SCCPDH: variants seen among roughly 807,000 people sequenced by gnomAD.
SCCPDH encodes the protein saccharopine dehydrogenase-like oxidoreductase.
SCCPDH carries 34 observed loss-of-function variants against 51.5 expected under a neutral mutation model. The ratio of observed to expected loss-of-function variants is 0.66; its 90% CI spans 0.50 to 0.88. The LOEUF (loss-of-function observed/expected upper bound fraction) is 0.88, where lower values mean the gene tolerates loss of function less well. SCCPDH is among the 40% of genes least tolerant of loss of function. The pLI, the probability that SCCPDH is intolerant of heterozygous loss-of-function variation, is 0.00. For synonymous variants in SCCPDH, 187 were observed against 191.3 expected (o/e 0.98, Z 0.19); for missense variants, 464 against 527.1 (o/e 0.88, Z 1.17).
chr1:246,759,679 T>C (rs554788756), intron 7 of SCCPDH, among the ~76,000 whole-genome samples: 3 of 152,352 alleles, frequency 2.0e-5, no homozygotes, highest in East Asian at 3.9e-4. Flanking sequence ...ATGTAGATTT[T>C]TGTGCCCAAG....
chr1:246,724,599 G>A lies in SCCPDH; in HGVS notation c.177G>A (p.Ala59=). The change falls in exon 1 of 12, where the codon GCG becomes GCA. Residue 59 remains alanine (A), a synonymous_variant. Coordinates refer to ENST00000366510, the MANE Select transcript of SCCPDH (RefSeq NM_016002.3). The stretch of plus-strand genomic sequence containing the variant: ...AGCTGCAGCGGGTGCTGGAGAAGGC[G>A]GCCCTGAAGCTGGGTACAGCGGCGG... ...REKLQRVLEK[A]ALKLGRPTLS... 1.3e-6 allele frequency: 2 copies of A among 1,502,726 alleles called. No individual in the cohort carries two copies. Among genetic ancestry groups the A allele is most frequent in the East Asian group, 5.7e-5 (2 of 34,884 alleles). The allele number at this position is 1,502,726 out of a possible 1,614,324, so 93.1% of individuals were successfully genotyped here.
chr1:246,754,107 G>A (rs529224498), intron 5 of SCCPDH, among the ~76,000 whole-genome samples: 2 of 152,006 alleles, frequency 1.3e-5, no homozygotes, highest in South Asian at 4.2e-4. Flanking sequence ...CCCACCTGCT[G>A]GAGGCTCCTC....
At chr1:246,738,334 A>G (rs548053632) in intron 3 of SCCPDH, among the ~76,000 whole-genome samples, 24 of 151,866 alleles carry the variant, frequency 1.6e-4, no homozygotes, top group African/African-American at 5.8e-4. Context: ...AACATGGTGA[A>G]ACCCCATCTC....
intron 5 of SCCPDH, among the ~76,000 whole-genome samples, chr1:246,752,446 C>T (rs1180907612): frequency 6.6e-6 from 1 of 152,082 alleles, no homozygotes; most frequent in African/African-American, 2.4e-5. Flanking sequence ...ACCAGTATGA[C>T]CCATCTGGCT....
chr1:246,748,261 C>T (rs1668792879), intron 5 of SCCPDH, among the ~76,000 whole-genome samples: 1 of 152,100 alleles, frequency 6.6e-6, no homozygotes, highest in Non-Finnish European at 1.5e-5. Flanking sequence ...GTTACAGCTG[C>T]AAGAGAAGTA....
Position 246,735,966 on chromosome 1 carries a change from T to C in SCCPDH, c.304-9T>C, listed in dbSNP as rs1240250705. ...AAGAATAACCTCTTTGTTCTTTTTG[T>C]TTCCCTAGTATCGGTTTTATGGAGA... On this transcript the variant is annotated splice_polypyrimidine_tract_variant and intron_variant, in intron 2 of 11. Coordinates refer to ENST00000366510, the MANE Select transcript of SCCPDH (RefSeq NM_016002.3). 6.3e-7 allele frequency: 1 copy of C among 1,585,814 alleles called. No homozygotes were observed. Among genetic ancestry groups the C allele is most frequent in the Admixed American group, 1.7e-5 (1 of 58,348 alleles).
chr1:246,765,410 C>T (rs1170978482), intron 10 of SCCPDH, among the ~76,000 whole-genome samples: 1 of 152,230 alleles, frequency 6.6e-6, no homozygotes, highest in Non-Finnish European at 1.5e-5. Flanking sequence ...TTAATCAAGC[C>T]AGATGATAGT....
At chr1:246,739,450 G>A (rs1296712133) in intron 3 of SCCPDH, among the ~76,000 whole-genome samples, 2 of 152,128 alleles carry the variant, frequency 1.3e-5, no homozygotes, top group Admixed American at 6.5e-5. Context: ...AGAAACCGTC[G>A]CAGCCAAAAG....
chr1:246,739,777 C>A (rs1001977487), intron 3 of SCCPDH, among the ~76,000 whole-genome samples: 3 of 152,124 alleles, frequency 2.0e-5, no homozygotes, highest in Non-Finnish European at 2.9e-5. Context: ...CCTCTGCCAC[C>A]ATCTACTTTC....
intron 5 of SCCPDH, among the ~76,000 whole-genome samples, chr1:246,753,677 C>T (rs1429386187): frequency 1.3e-5 from 2 of 151,904 alleles, no homozygotes; most frequent in Non-Finnish European, 1.5e-5. Context: ...GAAGGGTGTT[C>T]ACGTTCCAAG....
intron 2 of SCCPDH, among the ~76,000 whole-genome samples, chr1:246,734,355 A>T (rs77510894): frequency 0.02 from 3,078 of 152,336 alleles, 113 homozygotes; most frequent in African/African-American, 0.07. Flanking sequence ...AAATATGTTT[A>T]AAATGTGTGT....
intron 3 of SCCPDH, among the ~76,000 whole-genome samples, chr1:246,739,604 T>A (rs1418197121): frequency 6.6e-6 from 1 of 152,246 alleles, no homozygotes; most frequent in Non-Finnish European, 1.5e-5. Flanking sequence ...GTTCATTAAT[T>A]GTAACCACTG....
intron 3 of SCCPDH, among the ~76,000 whole-genome samples, chr1:246,736,264 C>T (rs1480606215): frequency 6.6e-6 from 1 of 152,190 alleles, no homozygotes; most frequent in African/African-American, 2.4e-5. Context: ...AATTTTTTCC[C>T]TCCCTACAAC....
chr1:246,751,511 C>A (rs61852487), intron 5 of SCCPDH, among the ~76,000 whole-genome samples: 8,756 of 152,216 alleles, frequency 0.058, 333 homozygotes, highest in African/African-American at 0.099. Context: ...AATCCTTTTA[C>A]CAAAAGTATA....
intron 5 of SCCPDH, among the ~76,000 whole-genome samples, chr1:246,753,637 T>G (rs886848366): frequency 6.6e-5 from 10 of 151,988 alleles, no homozygotes; most frequent in Non-Finnish European, 1.3e-4. Context: ...GGCGGGAAAT[T>G]TTTGATCCGC....
intron 5 of SCCPDH, among the ~76,000 whole-genome samples, chr1:246,749,889 A>C (rs12042435): frequency 0.26 from 39,443 of 152,122 alleles, 5,229 homozygotes; most frequent in South Asian, 0.3. Flanking sequence ...AGGGCATCAG[A>C]AGGCAAGCGT....
chr1:246,725,751 G>A (rs1668388393), intron 1 of SCCPDH, among the ~76,000 whole-genome samples: 1 of 151,900 alleles, frequency 6.6e-6, no homozygotes, highest in South Asian at 2.1e-4. Context: ...TCTTTTTTCG[G>A]CTCAGCAAGA....
chr1:246,760,684 G>C (rs1668999562), intron 9 of SCCPDH, among the ~76,000 whole-genome samples: 1 of 152,046 alleles, frequency 6.6e-6, no homozygotes, highest in Non-Finnish European at 1.5e-5. Context: ...CCAACAATAG[G>C]ACTGCCTCAT....
At chr1:246,760,787 C>T (rs893774768) in intron 9 of SCCPDH, among the ~76,000 whole-genome samples, 4 of 152,166 alleles carry the variant, frequency 2.6e-5, no homozygotes, top group African/African-American at 9.7e-5. Flanking sequence ...TGGGGGAAAT[C>T]CCACTGCTGA....
Sources: allele counts gnomAD v4.1 joint callset (sites outside exome capture counted in the v4.1 genomes callset), GRCh38; gene constraint gnomAD v4.1.1; transcripts MANE v1.5; gene names NCBI Gene and HGNC (gene_info 2026-07-23, HGNC 2026-07-21).